Variants in NDUFS4 observed in about 807,000 individuals in gnomAD.
NDUFS4 encodes NADH:ubiquinone oxidoreductase subunit S4.
NDUFS4 carries 28 observed loss-of-function variants against 24.3 expected under a neutral mutation model. The ratio of observed to expected loss-of-function variants is 1.15; its 90% CI spans 0.85 to 1.58. The LOEUF (loss-of-function observed/expected upper bound fraction) is 1.58. Ranked by LOEUF, NDUFS4 falls within the 40% of genes most tolerant of loss-of-function variation. NDUFS4 has a pLI of 0.00. For synonymous variants in NDUFS4, 93 were observed against 69.7 expected (o/e 1.34, Z -1.67); for missense variants, 223 against 207.9 (o/e 1.07, Z -0.45).
chr5:53,588,235 T>C (rs1749831452), intron 1 of NDUFS4, among the ~76,000 whole-genome samples: 1 of 152,196 alleles, frequency 6.6e-6, no homozygotes, highest in Admixed American at 6.5e-5. Context: ...AAAAATTCTT[T>C]ACTGCTCAGC....
chr5:53,642,595 G>T (rs1021201683), intron 2 of NDUFS4, among the ~76,000 whole-genome samples: 3 of 151,838 alleles, frequency 2.0e-5, no homozygotes, highest in Non-Finnish European at 4.4e-5. Flanking sequence ...CTTGTTCCCT[G>T]CTTCCTTTGT....
At chr5:53,683,015 G>T in intron 4 of NDUFS4, 103 bp from the exon 5 acceptor site, 1 of 810,078 alleles carries the variant, frequency 1.2e-6, no homozygotes, top group South Asian at 1.3e-5. Context: ...GATGATAAAT[G>T]AACATTAAGT....
intron 4 of NDUFS4, among the ~76,000 whole-genome samples, chr5:53,678,192 G>A (rs888579565): frequency 1.3e-5 from 2 of 151,952 alleles, no homozygotes; most frequent in African/African-American, 4.8e-5. Context: ...AAAATAAACT[G>A]TCATATTTCA....
chr5:53,560,879 C>A, intron 1 of NDUFS4, 119 bp downstream of exon 1: 2 of 1,549,610 alleles, frequency 1.3e-6, no homozygotes, highest in East Asian at 4.7e-5. Flanking sequence ...ACCCTTTTCT[C>A]GGGAGAAGTC....
chr5:53,603,350 T>TAA, intron 1 of NDUFS4, 102 bp from the exon 2 acceptor site: 1 of 783,422 alleles, frequency 1.3e-6, no homozygotes, highest in Middle Eastern at 2.4e-4. Flanking sequence ...TTTTTTTTTT[T>TAA]TAATAAGACA....
intron 1 of NDUFS4, among the ~76,000 whole-genome samples, chr5:53,587,752 G>GT (rs71598865): frequency 1.3e-5 from 2 of 151,850 alleles, no homozygotes; most frequent in Non-Finnish European, 2.9e-5. Flanking sequence ...TAATTTTTGT[G>GT]TTTTTTGGTA....
chr5:53,576,813 A>G (rs1401551378), intron 1 of NDUFS4, among the ~76,000 whole-genome samples: 3 of 152,192 alleles, frequency 2.0e-5, no homozygotes, highest in African/African-American at 4.8e-5. Context: ...GGGTTAAACT[A>G]TCTTTTTTCC....
intron 1 of NDUFS4, among the ~76,000 whole-genome samples, chr5:53,570,285 C>A (rs1432148074): frequency 1.3e-5 from 2 of 152,024 alleles, no homozygotes; most frequent in African/African-American, 4.8e-5. Context: ...CATATATAAC[C>A]TTTTGAGATT....
intron 1 of NDUFS4, chr5:53,573,797 G>T (rs533952440): frequency 2.1e-5 from 5 of 241,262 alleles, no homozygotes; most frequent in Non-Finnish European, 3.3e-5. Flanking sequence ...TTGCTATATT[G>T]CCCATGCTTG....
chr5:53,563,645 G>A (rs1185534932), intron 1 of NDUFS4, among the ~76,000 whole-genome samples: 1 of 151,994 alleles, frequency 6.6e-6, no homozygotes, highest in Admixed American at 6.6e-5. Context: ...GGGATTACAG[G>A]TGCCCACCAC....
chr5:53,597,155 A>G (rs1254993185), intron 1 of NDUFS4, among the ~76,000 whole-genome samples: 1 of 152,078 alleles, frequency 6.6e-6, no homozygotes. Flanking sequence ...GCAAAGTGCT[A>G]TTGGCTGTCA....
intron 1 of NDUFS4, among the ~76,000 whole-genome samples, chr5:53,601,105 C>T (rs898339907): frequency 2.6e-5 from 4 of 151,186 alleles, no homozygotes; most frequent in Non-Finnish European, 5.9e-5. Flanking sequence ...CCCAGGTTCA[C>T]GCCATTCTCC....
At chr5:53,564,254 C>G (rs1748949323) in intron 1 of NDUFS4, among the ~76,000 whole-genome samples, 1 of 152,134 alleles carries the variant, frequency 6.6e-6, no homozygotes, top group Non-Finnish European at 1.5e-5. Flanking sequence ...TTAAGGTTGA[C>G]AAGAATTCTG....
At chr5:53,649,449 A>G (rs1751957391) in intron 3 of NDUFS4, among the ~76,000 whole-genome samples, 1 of 152,210 alleles carries the variant, frequency 6.6e-6, no homozygotes, top group Non-Finnish European at 1.5e-5. Context: ...AAATGAGAAC[A>G]TGCAGTCTTT....
At chr5:53,668,992 G>C (rs1406765274) in intron 4 of NDUFS4, among the ~76,000 whole-genome samples, 6 of 152,134 alleles carry the variant, frequency 3.9e-5, no homozygotes, top group Non-Finnish European at 8.8e-5. Context: ...ATACAAGGAG[G>C]TGAACAAGTT....
At chr5:53,613,021 T>G (rs1412024872) in intron 2 of NDUFS4, among the ~76,000 whole-genome samples, 1 of 152,230 alleles carries the variant, frequency 6.6e-6, no homozygotes. Flanking sequence ...AATTAAAAAT[T>G]GATCATTAAG....
At chr5:53,628,326 A>G (rs1000200191) in intron 2 of NDUFS4, among the ~76,000 whole-genome samples, 7 of 152,114 alleles carry the variant, frequency 4.6e-5, no homozygotes, top group African/African-American at 1.7e-4. Context: ...CATCATGGGT[A>G]TTGGCATAAC....
chr5:53,570,858 A>T (rs913652596), intron 1 of NDUFS4, among the ~76,000 whole-genome samples: 1 of 151,208 alleles, frequency 6.6e-6, no homozygotes, highest in Non-Finnish European at 1.5e-5. Context: ...TAATTTTTGT[A>T]TTTTTAGTAG....
At chr5:53,627,948 T>G (rs1751281408) in intron 2 of NDUFS4, among the ~76,000 whole-genome samples, 1 of 152,176 alleles carries the variant, frequency 6.6e-6, no homozygotes, top group Non-Finnish European at 1.5e-5. Flanking sequence ...GAGGGCATCC[T>G]TGTCTTGTGC....
Sources: gnomAD v4.1 joint callset for allele counts (sites outside exome capture counted in the v4.1 genomes callset) on GRCh38, gnomAD v4.1.1 for gene constraint, MANE v1.5 for transcripts, NCBI Gene and HGNC (gene_info 2026-07-23, HGNC 2026-07-21) for gene names.